Variants in IRS2 observed in about 807,000 individuals in gnomAD.
The protein encoded by IRS2 is insulin receptor substrate 2.
A neutral mutation model predicts 70.9 loss-of-function variants in IRS2; 28 were observed. The observed-to-expected ratio is 0.39, with a 90% CI of 0.29 to 0.54. IRS2 has a LOEUF of 0.54. Ranked by LOEUF, IRS2 falls within the 20% of genes least tolerant of loss-of-function variation. IRS2 has a pLI of 0.59. For synonymous variants in IRS2, 1,217 were observed against 981.9 expected (o/e 1.24, Z -4.48); for missense variants, 2,081 against 2,024.1 (o/e 1.03, Z -0.54).
In IRS2 at chr13:109,783,984, C is replaced by A; in HGVS notation, c.2070G>T (p.Leu690Phe). Residue 690 changes from leucine (L) to phenylalanine (F), a missense_variant, in exon 1 of 2, where the codon TTG becomes TTT. Physicochemically the swap from Leu to Phe is conservative, Grantham distance 22. This residue lies in a region of IRS2 where 1,615 missense variants were observed against 1,459.5 expected (regional missense o/e 1.11). Transcript: ENST00000375856. ...CGGCGGCGGCGGCGGCCCTGGGCTG[C>A]AAGATCTGCTTGGGGGCGGACACGC... The part of the protein sequence containing the change: ...PASVSAPKQI[L>F]QPRAAAAAAA... 1.3e-6 allele frequency: 2 copies of A among 1,529,096 alleles called. No homozygotes were observed. The highest frequency in any genetic ancestry group is 1.8e-6 in the Non-Finnish European group (2 of 1,142,620). The allele number at this position is 1,529,096 out of a possible 1,614,324, so 94.7% of individuals were successfully genotyped here.
Position 109,783,994 on chromosome 13 carries a change from T to C in IRS2, c.2060A>G (p.Lys687Arg). 1 of 1,533,070 alleles carries C rather than the reference T, an allele frequency of 6.5e-7. No individual in the cohort carries two copies. Among genetic ancestry groups the C allele is most frequent in the Non-Finnish European group, 8.7e-7 (1 of 1,144,162 alleles). The allele number at this position is 1,533,070 out of a possible 1,614,324, so 95.0% of individuals were successfully genotyped here. A position where few individuals can be genotyped will look rare whatever the true frequency, so the allele number is the denominator to read the frequency against. The change falls in exon 1 of 2, where the codon AAG (lysine) becomes AGG (arginine). Residue 687 changes from lysine (K) to arginine (R), a missense_variant. Physicochemically the swap from Lys to Arg is conservative, Grantham distance 26 (BLOSUM62 2). Coordinates refer to ENST00000375856, the MANE Select transcript of IRS2 (RefSeq NM_003749.3). ...GGCGGCCCTGGGCTGCAAGATCTGC[T>C]TGGGGGCGGACACGCTGGCGGGGCT... ...PMSPASVSAP[K>R]QILQPRAAAA... is the part of the protein sequence containing the mutation.
In IRS2 at chr13:109,755,322, C is replaced by T; in HGVS notation, c.*982G>A. ...TTTTAAAAATCAAATCTGCCAAACC[C>T]GGACCACCCTGGAATTGCTAGCACG... is the stretch of plus-strand genomic sequence containing the variant. On this transcript the variant is annotated 3_prime_UTR_variant, in exon 2 of 2. Transcript: ENST00000375856. 4.4e-6 allele frequency: 1 copy of T among 226,650 alleles called. No individual in the cohort carries two copies. The highest frequency in any genetic ancestry group is 8.7e-6 in the Non-Finnish European group (1 of 114,294). 14.0% of individuals were successfully genotyped at this position (226,650 alleles called of 1,614,324 possible).
chr13:109,770,247 A>G lies in IRS2; in HGVS notation c.4012+11795T>C, dbSNP rs139578269. 1.6e-3 allele frequency among the ~76,000 whole-genome samples: 250 copies of G among 152,318 alleles called. 2 individuals are homozygous for G. Among genetic ancestry groups the G allele is most frequent in the African/African-American group, 5.7e-3 (239 of 41,572 alleles). On this transcript the variant is annotated intron_variant, in intron 1 of 1. Transcript: ENST00000375856. ...GATGCCTATAGAAAGAATGTGATCA[A>G]TACCCTTAACGCAGCCTTTGGGGCT...
At chr13:109,767,702 C>T (rs1877364681) in intron 1 of IRS2, among the ~76,000 whole-genome samples, 1 of 148,420 alleles carries the variant, frequency 6.7e-6, no homozygotes, top group Admixed American at 6.7e-5. Context: ...ATATTCCATT[C>T]TGGAAAATCA....
rs2138929079 is a variant in IRS2, at chr13:109,782,207, A to G, written c.3847T>C (p.Ser1283Pro). ...CCGAGGCTTCGGGTCCGGCCCCAGG[A>G]GCTCTTGTCTCCCGGCTGAGGAAGC... ...PPLPQPGDKS[S>P]WGRTRSLGGL... The change falls in exon 1 of 2, where the codon TCC becomes CCC. Residue 1283 changes from serine to proline, a missense_variant. By Grantham distance (74) the Ser-to-Pro change is moderately conservative. This residue lies in a region of IRS2 where 1,615 missense variants were observed against 1,459.5 expected (regional missense o/e 1.11). Transcript: ENST00000375856. 7.5e-6 allele frequency: 12 copies of G among 1,606,872 alleles called. No homozygotes were observed. Among genetic ancestry groups the G allele is most frequent in the Non-Finnish European group, 9.3e-6 (11 of 1,176,864 alleles).
rs556109136 is a variant in IRS2, at chr13:109,776,085, G to A, written c.4012+5957C>T. On this transcript the variant is annotated intron_variant, in intron 1 of 1. Coordinates refer to ENST00000375856, the MANE Select transcript of IRS2 (RefSeq NM_003749.3). ...AATCGCTTGAACCCGGGAGGTGGAC[G>A]TTGCAGTGAGCCGAGATCACACCAC... Among the ~76,000 whole-genome samples the A allele has an allele frequency of 6.6e-5, 10 of 150,768 alleles. No individual in the cohort carries two copies. The East Asian group carries it at 1.8e-3, about 27-fold the overall frequency.
chr13:109,783,153 G>A lies in IRS2; in HGVS notation c.2901C>T (p.Ser967=), dbSNP rs1353839909. 1 of 1,378,662 alleles carries A rather than the reference G, an allele frequency of 7.3e-7. No individual in the cohort carries two copies. The allele number at this position is 1,378,662 out of a possible 1,614,324, so 85.4% of individuals were successfully genotyped here. The change falls in exon 1 of 2, where the codon AGC becomes AGT. Residue 967 remains serine, a synonymous_variant. Coordinates refer to ENST00000375856, the MANE Select transcript of IRS2 (RefSeq NM_003749.3). ...SLGSGTPGTS[S]DSRQRSPLSD... ...AGAGCGGAGACCGCTGCCGGCTGTC[G>A]CTGCTGGTGCCCGGGGTGCCTGAGC...
At chr13:109,759,067 C>T (rs1021432397) in intron 1 of IRS2, among the ~76,000 whole-genome samples, 1 of 152,166 alleles carries the variant, frequency 6.6e-6, no homozygotes, top group African/African-American at 2.4e-5. Context: ...CCGCTCAGAG[C>T]CAGGCATGGG....
At chr13:109,777,157 C>T (rs1045010130) in intron 1 of IRS2, among the ~76,000 whole-genome samples, 3 of 152,078 alleles carry the variant, frequency 2.0e-5, no homozygotes, top group African/African-American at 7.2e-5. Flanking sequence ...CAGTGTTTTC[C>T]TCATTCTACT....
At chr13:109,759,221 C>T (rs754204) in intron 1 of IRS2, among the ~76,000 whole-genome samples, 63,105 of 152,040 alleles carry the variant, frequency 0.42, 14,042 homozygotes, top group Non-Finnish European at 0.49. Context: ...CACGGTAAAG[C>T]GAGAACTGTG....
Position 109,754,857 on chromosome 13 carries a change from A to C in IRS2, c.*1447T>G, listed in dbSNP as rs1188954804. The C allele has an allele frequency of 9.9e-6, 2 of 202,392 alleles. No homozygotes were observed. The highest frequency in any genetic ancestry group is 2.0e-5 in the Non-Finnish European group (2 of 98,708). The allele number at this position is 202,392 out of a possible 1,614,324, so 12.5% of individuals were successfully genotyped here. ...TATATATTTTTCTAAAAACAAAACA[A>C]AACAAAACCAACAACTTACATCTCC... On this transcript the variant is annotated 3_prime_UTR_variant, in exon 2 of 2. Transcript: ENST00000375856.
At position 109,760,470 on chromosome 13, in the gene IRS2, G is replaced by A. The variant is rs569056068; in HGVS notation, c.4013-4162C>T. Among the ~76,000 whole-genome samples the A allele has an allele frequency of 7.2e-5, 11 of 152,316 alleles. No homozygotes were observed. The South Asian group carries it at 1.7e-3, about 23-fold the overall frequency. On this transcript the variant is annotated intron_variant, in intron 1 of 1. Transcript: ENST00000375856. ...GAAATCCATCCACAGACGTATCCAC[G>A]TAGAGTTATTTGAGCAAATAAAACC...
rs1368896620 is a variant in IRS2 at position 109,783,869 on chromosome 13, C to T, written c.2185G>A (p.Ala729Thr). The T allele has an allele frequency of 6.4e-7, 1 of 1,552,450 alleles. No homozygotes were observed. Residue 729 changes from alanine to threonine, a missense_variant, in exon 1 of 2, where the codon GCC becomes ACC. Transcript: ENST00000375856. ...GGGGAGCTCTCGGCGGGCGAGCTGG[C>T]CTTGTAGCCGCCCCCGCTCGCCGGG... ...TFPASGGGYK[A>T]SSPAESSPED... is the part of the protein sequence containing the mutation.
At position 109,755,056 on chromosome 13, in the gene IRS2, A is replaced by C; in HGVS notation, c.*1248T>G. 1 of 229,112 alleles carries C rather than the reference A, an allele frequency of 4.4e-6. No individual in the cohort carries two copies. Among genetic ancestry groups the C allele is most frequent in the Non-Finnish European group, 8.7e-6 (1 of 115,440 alleles). The allele number at this position is 229,112 out of a possible 1,614,324, so 14.2% of individuals were successfully genotyped here. On this transcript the variant is annotated 3_prime_UTR_variant, in exon 2 of 2. Transcript: ENST00000375856. Reference sequence around the variant, plus strand: ...GTAACATCTGCGAGAACTGCCACACACTGGTATTTTCAGAATACTGAAAAC... The same window carrying C: ...GTAACATCTGCGAGAACTGCCACACCCTGGTATTTTCAGAATACTGAAAAC...
intron 1 of IRS2, among the ~76,000 whole-genome samples, chr13:109,759,892 C>T (rs949945309): frequency 5.3e-5 from 8 of 152,238 alleles, no homozygotes; most frequent in African/African-American, 1.9e-4. Context: ...ACTCCCCTAC[C>T]CCAGGAAGAA....
rs112982139 is a variant in IRS2, at chr13:109,773,410, C to T, written c.4012+8632G>A. On this transcript the variant is annotated intron_variant, in intron 1 of 1. Transcript: ENST00000375856. The stretch of plus-strand genomic sequence containing the variant: ...CCATAATGGGGAATATATGATATTT[C>T]ACTTATAGAACAAGCACCTGTCTTA... Among the ~76,000 whole-genome samples, 15 of 152,272 alleles carry T rather than the reference C, an allele frequency of 9.9e-5. 1 individual carries two copies. Among genetic ancestry groups the T allele is most frequent in the African/African-American group, 3.6e-4 (15 of 41,538 alleles).
rs1324826984 is a variant in IRS2 at position 109,756,096 on chromosome 13, A to G, written c.*208T>C. 1 of 560,150 alleles carries G rather than the reference A, an allele frequency of 1.8e-6. No homozygotes were observed. Among genetic ancestry groups the G allele is most frequent in the Non-Finnish European group, 3.2e-6 (1 of 311,600 alleles). 34.7% of individuals were successfully genotyped at this position (560,150 alleles called of 1,614,324 possible). On this transcript the variant is annotated 3_prime_UTR_variant, in exon 2 of 2. Transcript: ENST00000375856. ...CAAAACGCAAACAGCACAATGATGA[A>G]TGCCCCATCCGGGAACAAGGGAAAG...
In IRS2 at chr13:109,785,773, G is replaced by A. The variant is rs1343396967; in HGVS notation, c.281C>T (p.Ala94Val). 4.4e-6 allele frequency: 7 copies of A among 1,592,286 alleles called. No individual in the cohort carries two copies. The highest frequency in any genetic ancestry group is 5.9e-6 in the Non-Finnish European group (7 of 1,176,572). Residue 94 changes from alanine to valine, a missense_variant, in exon 1 of 2, where the codon GCT (alanine) becomes GTT (valine). Transcript: ENST00000375856. This position sits in a 1 kb window ranked among gnomAD's most constrained non-coding sequence, Gnocchi z 9.3. ...SKAGAPKRVI[A>V]LDCCLNINKR... Reference sequence around the variant, plus strand: ...GTTGATGTTCAGGCAGCAGTCGAGAGCGATCACCCGTTTCGGCGCGCCTGC... The same window carrying A: ...GTTGATGTTCAGGCAGCAGTCGAGAACGATCACCCGTTTCGGCGCGCCTGC...
At chr13:109,777,141 C>T (rs79153557) in intron 1 of IRS2, among the ~76,000 whole-genome samples, 2,246 of 152,198 alleles carry the variant, frequency 0.015, 69 homozygotes, top group African/African-American at 0.051. Context: ...AGCACTTTGC[C>T]TCACCCAGTG....
Sources: allele counts gnomAD v4.1 joint callset (sites outside exome capture counted in the v4.1 genomes callset), GRCh38; gene constraint gnomAD v4.1.1; regional missense constraint gnomAD v4.1.1; non-coding constraint Gnocchi (gnomAD v3.1); transcripts MANE v1.5; gene names NCBI Gene and HGNC (gene_info 2026-07-23, HGNC 2026-07-21).